CTNNA3: variants seen among roughly 807,000 people sequenced by gnomAD.
The protein encoded by CTNNA3 is catenin alpha 3, also known as catenin alpha-3.
A neutral mutation model predicts 95.7 loss-of-function variants in CTNNA3; 76 were observed. The observed-to-expected ratio is 0.79, with a 90% CI of 0.66 to 0.96. The LOEUF (loss-of-function observed/expected upper bound fraction) is 0.96, where lower values mean the gene tolerates loss of function less well. CTNNA3 is among the 40% of genes least tolerant of loss of function. The pLI is 0.00. For synonymous variants in CTNNA3, 431 were observed against 374.4 expected (o/e 1.15, Z -1.74); for missense variants, 1,191 against 1,089.8 (o/e 1.09, Z -1.31).
chr10:67,720,821 G>C (rs112155878), intron 1 of CTNNA3, among the ~76,000 whole-genome samples: 5,261 of 152,196 alleles, frequency 0.035, 95 homozygotes, highest in Middle Eastern at 0.085. Context: ...GTGTGTAGTG[G>C]CCAGCACCTG....
chr10:66,910,911 G>A (rs571897028), intron 7 of CTNNA3, among the ~76,000 whole-genome samples: 3 of 152,196 alleles, frequency 2.0e-5, no homozygotes, highest in Non-Finnish European at 2.9e-5. Context: ...AGACAGCAAC[G>A]TAAGCAATTT....
chr10:67,527,295 G>T (rs1840174533), intron 4 of CTNNA3, among the ~76,000 whole-genome samples: 1 of 152,038 alleles, frequency 6.6e-6, no homozygotes, highest in Admixed American at 6.6e-5. Context: ...AAAGTTTATG[G>T]GCAATGTCCC....
intron 9 of CTNNA3, among the ~76,000 whole-genome samples, chr10:66,651,567 A>G (rs1164959953): frequency 6.6e-6 from 1 of 152,116 alleles, no homozygotes; most frequent in Non-Finnish European, 1.5e-5. Flanking sequence ...GTTGGGGGGC[A>G]GTGCTCCTGC....
rs1299273403 is a variant in CTNNA3 at position 65,918,554 on chromosome 10, A to T, written c.*1776T>A. 6.6e-6 allele frequency: 1 copy of T among 152,136 alleles called. No individual in the cohort carries two copies. The highest frequency in any genetic ancestry group is 1.5e-5 in the Non-Finnish European group (1 of 68,000). The allele number at this position is 152,136 out of a possible 1,614,324, so 9.4% of individuals were successfully genotyped here. On this transcript the variant is annotated 3_prime_UTR_variant, in exon 18 of 18. Coordinates refer to ENST00000433211, the MANE Select transcript of CTNNA3 (RefSeq NM_013266.4). ...CTAGATAATTCTGAAAAACAGAGTC[A>T]TCTGAATTCCCTAATTCCCTTCTTC...
At chr10:66,078,168 A>G (rs1399864518) in intron 14 of CTNNA3, among the ~76,000 whole-genome samples, 1 of 151,888 alleles carries the variant, frequency 6.6e-6, no homozygotes, top group Non-Finnish European at 1.5e-5. Flanking sequence ...TTTCCTCTCT[A>G]TGTCTACATA....
intron 15 of CTNNA3, among the ~76,000 whole-genome samples, chr10:66,038,601 G>A (rs1033085990): frequency 1.3e-5 from 2 of 152,138 alleles, no homozygotes; most frequent in African/African-American, 2.4e-5. Context: ...CAATTTCAGA[G>A]GATTTTCATA....
chr10:67,281,134 TG>T (rs1465761704), intron 5 of CTNNA3, among the ~76,000 whole-genome samples: 4 of 149,590 alleles, frequency 2.7e-5, no homozygotes, highest in African/African-American at 4.9e-5. Flanking sequence ...TTTACACTTT[TG>T]AAAAAAAAAA....
intron 5 of CTNNA3, among the ~76,000 whole-genome samples, chr10:67,461,174 A>G (rs1013104937): frequency 3.3e-5 from 5 of 152,196 alleles, no homozygotes. Context: ...TTGGCTTGGT[A>G]GAATAGAATG....
chr10:66,126,269 A>C (rs1047749079), intron 13 of CTNNA3, among the ~76,000 whole-genome samples: 1 of 152,360 alleles, frequency 6.6e-6, no homozygotes, highest in Admixed American at 6.5e-5. Flanking sequence ...TACTGAAATT[A>C]AACAGTTAGG....
chr10:66,749,202 CAAAAAAAAAAAA>C (rs35568730), intron 9 of CTNNA3, among the ~76,000 whole-genome samples: 23 of 50,886 alleles, frequency 4.5e-4, no homozygotes, highest in African/African-American at 1.5e-3. Context: ...AACTCCAACT[CAAAAAAAAAAAA>C]AAAAAAAAAA....
At chr10:66,547,505 G>A (rs558804840) in intron 10 of CTNNA3, among the ~76,000 whole-genome samples, 1 of 151,486 alleles carries the variant, frequency 6.6e-6, no homozygotes, top group African/African-American at 2.4e-5. Context: ...ACCACGCCCA[G>A]TTAATTTTTT....
At chr10:67,559,653 A>G (rs1349245625) in intron 3 of CTNNA3, among the ~76,000 whole-genome samples, 2 of 152,150 alleles carry the variant, frequency 1.3e-5, no homozygotes, top group African/African-American at 4.8e-5. Flanking sequence ...TGACTTTGAC[A>G]AGTTGAGAGA....
intron 1 of CTNNA3, among the ~76,000 whole-genome samples, chr10:67,679,264 G>T (rs534290380): frequency 6.6e-4 from 101 of 152,144 alleles, no homozygotes; most frequent in African/African-American, 2.4e-3. Flanking sequence ...AGCATCCCTG[G>T]CTTCTACCCA....
intron 4 of CTNNA3, among the ~76,000 whole-genome samples, chr10:67,533,854 G>C (rs748119755): frequency 6.6e-6 from 1 of 151,948 alleles, no homozygotes; most frequent in Non-Finnish European, 1.5e-5. Flanking sequence ...TATTAAAAGA[G>C]AGTAACATCT....
At chr10:66,892,901 A>G (rs544488392) in intron 7 of CTNNA3, among the ~76,000 whole-genome samples, 4 of 152,258 alleles carry the variant, frequency 2.6e-5, no homozygotes, top group African/African-American at 7.2e-5. Flanking sequence ...CTAAGAGTAC[A>G]CTGGTAACCA....
At position 67,750,227 on chromosome 10, in the gene CTNNA3, G is replaced by T. The variant is rs145493351; in HGVS notation, c.-2+13207C>A. On this transcript the variant is annotated intron_variant, in intron 1 of 17. Transcript: ENST00000684154. The stretch of plus-strand genomic sequence containing the variant: ...GAACCCACTGGAAGGAACCAACTCT[G>T]GACACAGCAGGACGTGAGACTTCTA... 2.6e-3 allele frequency: 3,825 copies of T among 1,460,384 alleles called. 85 individuals are homozygous for T. The African/African-American group carries it at 0.045, about 17-fold the overall frequency. 90.5% of individuals were successfully genotyped at this position (1,460,384 alleles called of 1,614,324 possible).
chr10:67,005,650 C>A (rs1421611138), intron 7 of CTNNA3, among the ~76,000 whole-genome samples: 9 of 102,350 alleles, frequency 8.8e-5, no homozygotes, highest in Non-Finnish European at 1.3e-4. Flanking sequence ...CAAGCAAAAG[C>A]AAAAGTAATG....
chr10:66,006,088 G>A (rs1378604433), intron 15 of CTNNA3, among the ~76,000 whole-genome samples: 1 of 147,724 alleles, frequency 6.8e-6, no homozygotes, highest in Non-Finnish European at 1.5e-5. Flanking sequence ...TCTCGGCTCA[G>A]TGCAAGCTCT....
At chr10:67,324,540 T>C (rs983541667) in intron 5 of CTNNA3, among the ~76,000 whole-genome samples, 1 of 152,228 alleles carries the variant, frequency 6.6e-6, no homozygotes, top group Non-Finnish European at 1.5e-5. Flanking sequence ...GAATCACATT[T>C]ATTGATTTGC....
Sources: allele counts gnomAD v4.1 joint callset (sites outside exome capture counted in the v4.1 genomes callset), GRCh38; gene constraint gnomAD v4.1.1; transcripts MANE v1.5; gene names NCBI Gene and HGNC (gene_info 2026-07-23, HGNC 2026-07-21).